Variants in TAS2R1 observed in about 807,000 individuals in gnomAD.
The protein encoded by TAS2R1 is taste 2 receptor member 1.
For missense variants in TAS2R1, 370 were observed against 353.4 expected, an observed-to-expected ratio of 1.05 and a Z score of -0.38; for synonymous variants, 141 against 134.2, an observed-to-expected ratio of 1.05 and a Z score of -0.35.
the TAS2R1 span, among the ~76,000 whole-genome samples, chr5:9,856,566 A>G: frequency 6.6e-6 from 1 of 152,248 alleles, no homozygotes; most frequent in African/African-American, 2.4e-5. Flanking sequence ...TGGGAGATAC[A>G]GGGATCCACA....
At chr5:9,888,365 C>T in the TAS2R1 span, among the ~76,000 whole-genome samples, 1 of 152,146 alleles carries the variant, frequency 6.6e-6, no homozygotes, top group African/African-American at 2.4e-5. Context: ...TTCAACCTTG[C>T]CTACGTTTTC....
At chr5:9,824,670 A>C in the TAS2R1 span, among the ~76,000 whole-genome samples, 2 of 152,056 alleles carry the variant, frequency 1.3e-5, no homozygotes, top group Admixed American at 1.3e-4. Flanking sequence ...AACATAGTGA[A>C]ACCCCGTCTC....
chr5:9,669,277 C>G (rs1019326680), intron 1 of TAS2R1, among the ~76,000 whole-genome samples: 3 of 152,050 alleles, frequency 2.0e-5, no homozygotes, highest in East Asian at 1.9e-4. Flanking sequence ...TCTTAGACAC[C>G]GACAAAGAGA....
In TAS2R1 at chr5:9,630,116, G is replaced by C. The variant is rs1739845980; in HGVS notation, c.-84C>G. On this transcript the variant is annotated 5_prime_UTR_variant, in exon 1 of 1. It adds an upstream start codon to the 5' untranslated region. Transcript: ENST00000382492. ...TTGGGTTGTTCACGCTCTTCAATTA[G>C]ATCAGGACTCCTCTGGGGAAGAAGA... is the stretch of plus-strand genomic sequence containing the variant. 1.7e-6 allele frequency: 2 copies of C among 1,146,198 alleles called. No homozygotes were observed. Among genetic ancestry groups the C allele is most frequent in the Admixed American group, 5.9e-5 (2 of 34,184 alleles). 71.0% of individuals were successfully genotyped at this position (1,146,198 alleles called of 1,614,324 possible). A position where few individuals can be genotyped will look rare whatever the true frequency, so the allele number is the denominator to read the frequency against.
chr5:9,808,322 G>T, the TAS2R1 span, among the ~76,000 whole-genome samples: 1 of 152,160 alleles, frequency 6.6e-6, no homozygotes, highest in South Asian at 2.1e-4. Context: ...CTTGACTAAC[G>T]TGTTCATAAA....
the TAS2R1 span, among the ~76,000 whole-genome samples, chr5:9,749,825 G>C: frequency 6.6e-6 from 1 of 152,170 alleles, no homozygotes; most frequent in Non-Finnish European, 1.5e-5. Flanking sequence ...CAGCAACCTT[G>C]GAGAACAGGT....
upstream of TAS2R1, among the ~76,000 whole-genome samples, chr5:9,715,845 G>A (rs188376339): frequency 4.6e-5 from 7 of 152,312 alleles, no homozygotes; most frequent in Non-Finnish European, 1.0e-4. Context: ...CAGTGAGCAG[G>A]GAAGGGAAAG....
At chr5:9,741,739 G>A in the TAS2R1 span, among the ~76,000 whole-genome samples, 1 of 152,080 alleles carries the variant, frequency 6.6e-6, no homozygotes, top group African/African-American at 2.4e-5. Context: ...AGGTGACCGG[G>A]ACACAGTGGG....
chr5:9,882,827 T>C, the TAS2R1 span, among the ~76,000 whole-genome samples: 5 of 152,110 alleles, frequency 3.3e-5, no homozygotes, highest in Non-Finnish European at 5.9e-5. Context: ...ACTAGGTATA[T>C]ACCCAAAGGA....
chr5:9,792,620 C>T, the TAS2R1 span, among the ~76,000 whole-genome samples: 96 of 152,288 alleles, frequency 6.3e-4, no homozygotes, highest in African/African-American at 2.2e-3. Context: ...TATTTCTTTG[C>T]TCAGGTGTCA....
At chr5:9,777,335 T>C in the TAS2R1 span, among the ~76,000 whole-genome samples, 1 of 152,240 alleles carries the variant, frequency 6.6e-6, no homozygotes. Flanking sequence ...GTTGTTTCAA[T>C]AATAGTCACA....
chr5:9,876,100 G>A, the TAS2R1 span, among the ~76,000 whole-genome samples: 2 of 152,094 alleles, frequency 1.3e-5, no homozygotes, highest in African/African-American at 4.8e-5. Flanking sequence ...GCCCAGGAGG[G>A]ACAGGAGAAG....
At chr5:9,740,172 A>G in the TAS2R1 span, among the ~76,000 whole-genome samples, 1 of 152,194 alleles carries the variant, frequency 6.6e-6, no homozygotes. Flanking sequence ...AGCCTTTTAT[A>G]TGCTAATTGA....
intron 1 of TAS2R1, among the ~76,000 whole-genome samples, chr5:9,662,849 T>A (rs1740565020): frequency 6.6e-6 from 1 of 152,222 alleles, no homozygotes; most frequent in South Asian, 2.1e-4. Context: ...GATAATGATA[T>A]AAATAGAATT....
intron 2 of TAS2R1, among the ~76,000 whole-genome samples, chr5:9,653,027 C>T (rs1197945842): frequency 6.6e-6 from 1 of 152,158 alleles, no homozygotes; most frequent in East Asian, 1.9e-4. Flanking sequence ...ACCCATCAAA[C>T]AATAACTCAC....
At chr5:9,818,412 C>G in the TAS2R1 span, among the ~76,000 whole-genome samples, 1 of 152,182 alleles carries the variant, frequency 6.6e-6, no homozygotes, top group Non-Finnish European at 1.5e-5. Flanking sequence ...ATACCTCTGT[C>G]AGTTGGCTTT....
chr5:9,757,987 TTAAA>T, the TAS2R1 span, among the ~76,000 whole-genome samples: 9 of 152,146 alleles, frequency 5.9e-5, no homozygotes, highest in East Asian at 1.9e-4. Context: ...ACCATGATTA[TTAAA>T]TAAATTGTTC....
chr5:9,799,899 T>C, the TAS2R1 span, among the ~76,000 whole-genome samples: 1 of 152,192 alleles, frequency 6.6e-6, no homozygotes, highest in Non-Finnish European at 1.5e-5. Flanking sequence ...GTGGAAACGT[T>C]TTTCGTAAGA....
chr5:9,866,174 T>C, the TAS2R1 span, among the ~76,000 whole-genome samples: 1 of 152,226 alleles, frequency 6.6e-6, no homozygotes, highest in Non-Finnish European at 1.5e-5. Flanking sequence ...CCTACCATGA[T>C]GCCCATTGAT....
Sources: gnomAD v4.1 joint callset for allele counts (sites outside exome capture counted in the v4.1 genomes callset) on GRCh38, gnomAD v4.1.1 for gene constraint, MANE v1.5 for transcripts, NCBI Gene and HGNC (gene_info 2026-07-23, HGNC 2026-07-21) for gene names.